Variants in HRH1 observed in about 807,000 individuals in gnomAD.
The protein encoded by HRH1 is histamine H1 receptor.
In HRH1, 6 loss-of-function variants were observed where a neutral mutation model predicts 10.3. The observed-to-expected ratio is 0.58, with a 90% CI of 0.32 to 1.15. The LOEUF (loss-of-function observed/expected upper bound fraction) is 1.15. Among genes scored for constraint, HRH1 ranks in the 50% most tolerant of loss-of-function variants. The probability of loss-of-function intolerance (pLI) is 0.05; values close to 1 mark genes in which losing one functional copy is unlikely to be tolerated. For missense variants in HRH1, 514 were observed against 615.3 expected, an observed-to-expected ratio of 0.84 and a Z score of 1.74; for synonymous variants, 242 against 236.7, an observed-to-expected ratio of 1.02 and a Z score of -0.21.
At chr3:11,230,825 C>G (rs1470121901) in intron 1 of HRH1, among the ~76,000 whole-genome samples, 1 of 151,960 alleles carries the variant, frequency 6.6e-6, no homozygotes, top group Admixed American at 6.6e-5. Context: ...TTTAGGAACA[C>G]TCAGTTGTAG....
At chr3:11,244,388 A>T (rs1024746117) in intron 1 of HRH1, among the ~76,000 whole-genome samples, 2 of 152,246 alleles carry the variant, frequency 1.3e-5, no homozygotes, top group African/African-American at 4.8e-5. Flanking sequence ...CTCAGCTGAG[A>T]AGCAGAGTTC....
At position 11,259,394 on chromosome 3, in the gene HRH1, C is replaced by A. The variant is rs988244308; in HGVS notation, c.357C>A (p.Phe119Leu). 6.2e-7 allele frequency: 1 copy of A among 1,614,004 alleles called. No homozygotes were observed. Among genetic ancestry groups the A allele is most frequent in the Non-Finnish European group, 8.5e-7 (1 of 1,179,990 alleles). Reference protein sequence around the residue: ...VASTASIFSVFILCIDRYRSV... With the variant: ...VASTASIFSVLILCIDRYRSV... ...GCACAGCGTCCATTTTCAGTGTCTT[C>A]ATCCTGTGCATTGATCGCTACCGCT... The change falls in exon 2 of 2, where the codon TTC becomes TTA. Residue 119 changes from phenylalanine to leucine, a missense_variant. Physicochemically the swap from Phe to Leu is conservative, Grantham distance 22 (BLOSUM62 0). Coordinates refer to ENST00000431010, the MANE Select transcript of HRH1 (RefSeq NM_001098212.2). The surrounding 1 kb of genome is among the most constrained non-coding windows in gnomAD (Gnocchi z 4.6).
chr3:11,201,399 G>A (rs1275623265), intron 1 of HRH1, among the ~76,000 whole-genome samples: 3 of 152,192 alleles, frequency 2.0e-5, no homozygotes, highest in Non-Finnish European at 4.4e-5. Context: ...GGGGTATTAT[G>A]GGATGGTGAG....
chr3:11,236,185 C>T (rs749156350), intron 1 of HRH1, among the ~76,000 whole-genome samples: 1 of 152,242 alleles, frequency 6.6e-6, no homozygotes, highest in East Asian at 1.9e-4. Context: ...TGGCTCACGC[C>T]TGTAATCTCA....
intron 1 of HRH1, among the ~76,000 whole-genome samples, chr3:11,191,229 A>C (rs1937525018): frequency 6.6e-6 from 1 of 152,122 alleles, no homozygotes; most frequent in African/African-American, 2.4e-5. Context: ...ATTATCTGTA[A>C]CGGGGTATAC....
chr3:11,138,493 T>C (rs1427129760), intron 1 of HRH1, among the ~76,000 whole-genome samples: 2 of 152,168 alleles, frequency 1.3e-5, no homozygotes, highest in Non-Finnish European at 2.9e-5. Flanking sequence ...ATAACAAATG[T>C]TGGCAAGGAT....
chr3:11,176,158 G>GA (rs1937244103), intron 1 of HRH1, among the ~76,000 whole-genome samples: 1 of 137,302 alleles, frequency 7.3e-6, no homozygotes. Context: ...AACAGAGTGA[G>GA]AACCTGTCTC....
At chr3:11,218,312 G>A (rs1391356851) in intron 1 of HRH1, among the ~76,000 whole-genome samples, 1 of 151,858 alleles carries the variant, frequency 6.6e-6, no homozygotes, top group Non-Finnish European at 1.5e-5. Context: ...GCCAGGCGTG[G>A]TGGCAGGTGC....
chr3:11,234,360 C>T, intron 1 of HRH1: 1 of 1,598,996 alleles, frequency 6.3e-7, no homozygotes. Flanking sequence ...TCCTCATCCT[C>T]TTGGGGATAG....
rs1164514720 is a variant in HRH1, at chr3:11,203,972, T to C, written c.-36+49418T>C. Among the ~76,000 whole-genome samples the C allele has an allele frequency of 2.6e-5, 4 of 152,254 alleles. No individual in the cohort carries two copies. The East Asian group carries it at 7.7e-4, about 29-fold the overall frequency. On this transcript the variant is annotated intron_variant, in intron 1 of 1. Coordinates refer to ENST00000431010, the MANE Select transcript of HRH1 (RefSeq NM_001098212.2). ...AGACAATATTGGGGGTTCCTATCCA[T>C]GAACATGCTGTCCTTTAAGCTACCT...
chr3:11,228,911 CAAAAAAA>C (rs10710059), intron 1 of HRH1, among the ~76,000 whole-genome samples: 1 of 115,576 alleles, frequency 8.7e-6, no homozygotes, highest in African/African-American at 3.2e-5. Flanking sequence ...GAGAGTATGT[CAAAAAAA>C]AAAAAAAAAA....
At chr3:11,250,284 C>T (rs1170572003) in intron 1 of HRH1, among the ~76,000 whole-genome samples, 2 of 144,816 alleles carry the variant, frequency 1.4e-5, no homozygotes, top group East Asian at 2.1e-4. Context: ...TGGTCACGAT[C>T]TCCTGACCTC....
intron 1 of HRH1, among the ~76,000 whole-genome samples, chr3:11,211,826 A>C (rs1938336258): frequency 1.3e-5 from 2 of 152,238 alleles, no homozygotes; most frequent in South Asian, 4.1e-4. Context: ...GCATAGATGC[A>C]GAAGGCTAGG....
At chr3:11,197,929 T>C (rs1937729546) in intron 1 of HRH1, among the ~76,000 whole-genome samples, 1 of 152,134 alleles carries the variant, frequency 6.6e-6, no homozygotes, top group Admixed American at 6.5e-5. Flanking sequence ...GAGGTGTGTC[T>C]CTCAACTCCA....
chr3:11,173,374 T>TTATA (rs55976050), intron 1 of HRH1, among the ~76,000 whole-genome samples: 6,022 of 151,098 alleles, frequency 0.04, 237 homozygotes, highest in African/African-American at 0.1. Context: ...CAAATAATAA[T>TTATA]TATATATATA....
At chr3:11,225,526 G>A (rs545352209) in intron 1 of HRH1, among the ~76,000 whole-genome samples, 37 of 152,276 alleles carry the variant, frequency 2.4e-4, no homozygotes, top group African/African-American at 8.7e-4. Context: ...TCAGTGACGG[G>A]AACATATTTC....
intron 1 of HRH1, among the ~76,000 whole-genome samples, chr3:11,216,494 G>A (rs538456127): frequency 1.3e-5 from 2 of 152,264 alleles, no homozygotes; most frequent in African/African-American, 2.4e-5. Context: ...ACCTGAGGAC[G>A]TTATGCTAAG....
chr3:11,220,266 C>T (rs1208691704), intron 1 of HRH1, among the ~76,000 whole-genome samples: 1 of 152,148 alleles, frequency 6.6e-6, no homozygotes, highest in African/African-American at 2.4e-5. Flanking sequence ...GGACCTGGGT[C>T]TAAGAAACCC....
intron 1 of HRH1, among the ~76,000 whole-genome samples, chr3:11,206,380 AGTGCTGGGATTACAGGCGTGAGCCACCAC>A (rs1938127792): frequency 6.6e-6 from 1 of 152,204 alleles, no homozygotes; most frequent in African/African-American, 2.4e-5. Flanking sequence ...GGCCTTCCGA[AGTGCTGGGATTACAGGCGTGAGCCACCAC>A]GCCAAGCGTG....
Sources: allele counts gnomAD v4.1 joint callset (sites outside exome capture counted in the v4.1 genomes callset), GRCh38; gene constraint gnomAD v4.1.1; non-coding constraint Gnocchi (gnomAD v3.1); transcripts MANE v1.5; gene names NCBI Gene and HGNC (gene_info 2026-07-23, HGNC 2026-07-21).